HPD: variants seen among roughly 807,000 people sequenced by gnomAD.
The protein encoded by HPD is 4-hydroxyphenylpyruvate dioxygenase.
Under a neutral mutation model 56.9 loss-of-function variants are expected in HPD, and 35 were observed. The ratio of observed to expected loss-of-function variants is 0.62; its 90% CI spans 0.47 to 0.82. The LOEUF is 0.82. Among genes scored for constraint, HPD ranks in the 40% least tolerant of loss-of-function variants. HPD has a pLI of 0.00. For missense variants in HPD, 442 were observed against 506.8 expected (o/e 0.87, Z 1.23); for synonymous variants, 186 against 200.2 (o/e 0.93, Z 0.60).
At chr12:121,857,599 T>G in intron 3 of HPD, 158 bp downstream of exon 3, 1 of 833,568 alleles carries the variant, frequency 1.2e-6, no homozygotes. Context: ...GACAGATAAC[T>G]TTCCCGCTGG....
chr12:121,886,020 C>T, the HPD span, among the ~76,000 whole-genome samples: 1 of 151,698 alleles, frequency 6.6e-6, no homozygotes, highest in Admixed American at 6.6e-5. Context: ...GTCTTGAACT[C>T]CTGACCTCAG....
upstream of HPD, chr12:121,859,220 G>A: frequency 3.0e-6 from 1 of 337,424 alleles, no homozygotes; most frequent in East Asian, 7.0e-5. Context: ...GGCATTTGGA[G>A]ACTGGCCCCA....
intron 12 of HPD, among the ~76,000 whole-genome samples, chr12:121,843,081 C>T (rs1877461552): frequency 6.6e-6 from 1 of 152,076 alleles, no homozygotes; most frequent in African/African-American, 2.4e-5. Context: ...CACAACATAG[C>T]AAATAGCTAG....
intron 12 of HPD, 86 bp downstream of exon 12, chr12:121,843,624 C>T: frequency 6.5e-7 from 1 of 1,533,776 alleles, no homozygotes; most frequent in Non-Finnish European, 8.9e-7. Flanking sequence ...CTGGGCTCCC[C>T]TCCGGGCTGA....
At chr12:121,879,328 G>A in the HPD span, among the ~76,000 whole-genome samples, 65 of 151,824 alleles carry the variant, frequency 4.3e-4, 1 homozygote, top group Non-Finnish European at 1.5e-5. Flanking sequence ...ACTTGGTTGG[G>A]GCGGGGTGGG....
At chr12:121,844,638 C>T (rs1877514986) in intron 11 of HPD, among the ~76,000 whole-genome samples, 1 of 151,688 alleles carries the variant, frequency 6.6e-6, no homozygotes, top group South Asian at 2.1e-4. Context: ...AATCCCAGCA[C>T]ATTGGGAGGC....
Position 121,854,747 on chromosome 12 carries a change from C to G in HPD, c.370G>C (p.Glu124Gln), listed in dbSNP as rs1276575197. 1.2e-6 allele frequency: 2 copies of G among 1,614,064 alleles called. No individual in the cohort carries two copies. Among genetic ancestry groups the G allele is most frequent in the African/African-American group, 2.7e-5 (2 of 74,930 alleles). Residue 124 changes from glutamate (E) to glutamine (Q), a missense_variant, in exon 7 of 14, where the codon GAG (glutamate) becomes CAG (glutamine). Transcript: ENST00000289004. ...GAKIMREPWV[E>Q]QDKFGKVKFA... ...TTCACCTTCCCAAACTTGTCTTGCTCTACCCAGGGCTCCCGCATGATTTTG... is the reference window on the plus strand; with the variant it reads ...TTCACCTTCCCAAACTTGTCTTGCTGTACCCAGGGCTCCCGCATGATTTTG...
chr12:121,872,380 A>G, the HPD span, among the ~76,000 whole-genome samples: 1 of 151,480 alleles, frequency 6.6e-6, no homozygotes, highest in African/African-American at 2.4e-5. Flanking sequence ...GGAGCCCGCC[A>G]CCAGGACCAG....
chr12:121,879,477 C>CTTCTG, the HPD span, among the ~76,000 whole-genome samples: 373 of 111,596 alleles, frequency 3.3e-3, 4 homozygotes, highest in African/African-American at 0.01. Context: ...TTCCTTTTCT[C>CTTCTG]TTCTGTTCTC....
chr12:121,853,129 A>G (rs1045335139), intron 7 of HPD, among the ~76,000 whole-genome samples: 3 of 152,172 alleles, frequency 2.0e-5, no homozygotes, highest in African/African-American at 4.8e-5. Flanking sequence ...AAATGATGAG[A>G]AAAGATGGAC....
upstream of HPD, among the ~76,000 whole-genome samples, chr12:121,860,984 G>A (rs1311373776): frequency 6.6e-6 from 1 of 152,166 alleles, no homozygotes; most frequent in African/African-American, 2.4e-5. Flanking sequence ...AGGATCACTT[G>A]AGGTTAGGTG....
intron 11 of HPD, 130 bp from the exon 12 acceptor site, chr12:121,843,962 G>A: frequency 9.9e-7 from 1 of 1,008,962 alleles, no homozygotes; most frequent in Non-Finnish European, 1.5e-6. Context: ...ATGCTGTGTG[G>A]CCTCTTCCCC....
At chr12:121,870,439 G>A in the HPD span, among the ~76,000 whole-genome samples, 1 of 151,298 alleles carries the variant, frequency 6.6e-6, no homozygotes, top group Non-Finnish European at 1.5e-5. Context: ...ACCAGGAGGC[G>A]GAGGTTGCAG....
chr12:121,868,785 T>G, the HPD span, among the ~76,000 whole-genome samples: 4 of 152,112 alleles, frequency 2.6e-5, no homozygotes, highest in Non-Finnish European at 5.9e-5. Flanking sequence ...CCTCCCGAAG[T>G]GCTGGGATTA....
chr12:121,875,250 A>T, the HPD span, among the ~76,000 whole-genome samples: 140 of 152,324 alleles, frequency 9.2e-4, 1 homozygote, highest in Non-Finnish European at 1.7e-3. Context: ...AAAACAGTCA[A>T]TGAGGGAAAA....
At chr12:121,843,667 T>G in intron 12 of HPD, 43 bp downstream of exon 12, 1 of 1,611,816 alleles carries the variant, frequency 6.2e-7, no homozygotes, top group Non-Finnish European at 8.5e-7. Flanking sequence ...AATGCAGAGC[T>G]CATACTCCCC....
At chr12:121,888,356 G>A in the HPD span, among the ~76,000 whole-genome samples, 3 of 152,168 alleles carry the variant, frequency 2.0e-5, no homozygotes, top group Non-Finnish European at 4.4e-5. Flanking sequence ...CACACAGATT[G>A]CCGTTAAGTG....
chr12:121,856,237 G>T (rs563691866), intron 6 of HPD, 87 bp downstream of exon 6: 6 of 981,406 alleles, frequency 6.1e-6, no homozygotes, highest in Non-Finnish European at 8.3e-6. Flanking sequence ...TCACTGTGAT[G>T]CAGCAGTGTC....
At chr12:121,859,836 A>C (rs1008314762), upstream of HPD, among the ~76,000 whole-genome samples, 13 of 152,268 alleles carry the variant, frequency 8.5e-5, no homozygotes, top group African/African-American at 2.9e-4. Context: ...GTGTGCTCCC[A>C]GTGTCCACCT....
Sources: gnomAD v4.1 joint callset for allele counts (sites outside exome capture counted in the v4.1 genomes callset) on GRCh38, gnomAD v4.1.1 for gene constraint, MANE v1.5 for transcripts, NCBI Gene and HGNC (gene_info 2026-07-23, HGNC 2026-07-21) for gene names.